ELAVL2: variants seen among roughly 807,000 people sequenced by gnomAD.
The protein encoded by ELAVL2 is ELAV like RNA binding protein 2, also known as ELAV-like protein 2.
In ELAVL2, 4 loss-of-function variants were observed where a neutral mutation model predicts 34.6. That is an observed-to-expected ratio of 0.12 (90% CI 0.06 to 0.26). The LOEUF (loss-of-function observed/expected upper bound fraction) is 0.26. ELAVL2 is among the 10% of genes least tolerant of loss of function. The probability of loss-of-function intolerance (pLI) is 1.00; values close to 1 mark genes in which losing one functional copy is unlikely to be tolerated. For missense variants in ELAVL2, 432 were observed against 442.8 expected, an observed-to-expected ratio of 0.98 and a Z score of 0.22; for synonymous variants, 193 against 154.8, an observed-to-expected ratio of 1.25 and a Z score of -1.83.
chr9:23,805,795 G>A (rs908322015), intron 1 of ELAVL2, among the ~76,000 whole-genome samples: 4 of 152,190 alleles, frequency 2.6e-5, no homozygotes, highest in Non-Finnish European at 5.9e-5. Context: ...GGTCATCCAT[G>A]GAGACCCCTC....
At chr9:23,807,052 T>C (rs1222974458) in intron 1 of ELAVL2, among the ~76,000 whole-genome samples, 1 of 152,160 alleles carries the variant, frequency 6.6e-6, no homozygotes, top group Non-Finnish European at 1.5e-5. Context: ...TATATCCATG[T>C]TAAATCAAAC....
intron 1 of ELAVL2, among the ~76,000 whole-genome samples, chr9:23,777,754 C>T (rs1366132159): frequency 6.6e-6 from 1 of 152,180 alleles, no homozygotes; most frequent in Non-Finnish European, 1.5e-5. Context: ...AACTGCTCTG[C>T]ATCGCTGGCT....
chr9:23,828,780 C>A (rs1340455798), upstream of ELAVL2, among the ~76,000 whole-genome samples: 1 of 152,122 alleles, frequency 6.6e-6, no homozygotes, highest in Non-Finnish European at 1.5e-5. Flanking sequence ...GATGTTTTTA[C>A]ATTTTAAAAC....
chr9:23,713,055 C>A lies in ELAVL2; in HGVS notation c.334-7984G>T, dbSNP rs115770706. Among the ~76,000 whole-genome samples, 1,167 of 152,262 alleles carry A rather than the reference C, an allele frequency of 7.7e-3. 17 individuals carry two copies. Among genetic ancestry groups the A allele is most frequent in the African/African-American group, 0.027 (1,119 of 41,556 alleles). On this transcript the variant is annotated intron_variant, in intron 3 of 6. Coordinates refer to ENST00000397312, the MANE Select transcript of ELAVL2 (RefSeq NM_004432.5). ...TTAAATGCTACCCAAACAGTTGCAT[C>A]CATGTGTATCAAAGAGGGTCTAAAT...
At chr9:23,705,188 A>T in intron 3 of ELAVL2, 117 bp from the exon 4 acceptor site, 1 of 1,188,334 alleles carries the variant, frequency 8.4e-7, no homozygotes, top group African/African-American at 1.5e-5. Flanking sequence ...CTGAAGTTCA[A>T]GCAAGTCAGG....
rs187192737 is a variant in ELAVL2, at chr9:23,812,955, C to T, written c.-16+12851G>A. On this transcript the variant is annotated intron_variant, in intron 1 of 6. Transcript: ENST00000397312. ...TCCATCCTAAGAAGCTACATTAATG[C>T]TGGGTTGATACAACAGATCTTCATA... 5.3e-5 allele frequency among the ~76,000 whole-genome samples: 8 copies of T among 152,172 alleles called. No individual in the cohort carries two copies. The East Asian group carries it at 1.5e-3, about 29-fold the overall frequency.
In ELAVL2 at chr9:23,704,977, T is replaced by C. The variant is rs746936739; in HGVS notation, c.428A>G (p.Gln143Arg). 6.2e-7 allele frequency: 1 copy of C among 1,614,168 alleles called. No individual in the cohort carries two copies. The highest frequency in any genetic ancestry group is 1.6e-4 in the Middle Eastern group (1 of 6,062). ...AATGCGTCCATATTGTGAAAAAAGC[T>C]GTTCCAACTCCTTCTGGGTCATTGT... ...PKTMTQKELE[Q>R]LFSQYGRIIT... Residue 143 changes from glutamine (Q) to arginine (R), a missense_variant, in exon 4 of 7, where the codon CAG becomes CGG. Gln to Arg is a conservative substitution (Grantham distance 43). Transcript: ENST00000397312.
At chr9:23,799,103 G>C (rs901927233) in intron 1 of ELAVL2, among the ~76,000 whole-genome samples, 1 of 152,116 alleles carries the variant, frequency 6.6e-6, no homozygotes. Context: ...AATTAAGACA[G>C]ACATAATATG....
At chr9:23,793,041 G>A (rs903052420) in intron 1 of ELAVL2, among the ~76,000 whole-genome samples, 1 of 152,086 alleles carries the variant, frequency 6.6e-6, no homozygotes, top group East Asian at 1.9e-4. Context: ...GCCTCCCAAA[G>A]TGCTGGGATT....
intron 3 of ELAVL2, among the ~76,000 whole-genome samples, chr9:23,713,405 AGTCTAAGCAGGAACTT>A (rs1259294459): frequency 1.3e-5 from 2 of 152,192 alleles, no homozygotes; most frequent in African/African-American, 2.4e-5. Flanking sequence ...AGCCATTCCA[AGTCTAAGCAGGAACTT>A]GTCAATCAAA....
chr9:23,700,878 T>C (rs1453793698), intron 5 of ELAVL2, among the ~76,000 whole-genome samples: 4 of 138,534 alleles, frequency 2.9e-5, no homozygotes, highest in African/African-American at 1.1e-4. Flanking sequence ...TAAAATCCTT[T>C]AAGAAAAAAA....
At chr9:23,834,833 A>G in the ELAVL2 span, among the ~76,000 whole-genome samples, 2 of 152,086 alleles carry the variant, frequency 1.3e-5, no homozygotes, top group Non-Finnish European at 2.9e-5. Context: ...ACCCATAAAA[A>G]GTTGTGGGTC....
At chr9:23,817,947 T>G (rs1365909190) in intron 1 of ELAVL2, among the ~76,000 whole-genome samples, 1 of 152,222 alleles carries the variant, frequency 6.6e-6, no homozygotes, top group Admixed American at 6.5e-5. Context: ...CTGTTTCCAC[T>G]TGGCAAATTT....
intron 3 of ELAVL2, among the ~76,000 whole-genome samples, chr9:23,713,339 T>C (rs1564018664): frequency 6.6e-6 from 1 of 152,200 alleles, no homozygotes; most frequent in Non-Finnish European, 1.5e-5. Context: ...GTAGTGGATA[T>C]GGCATCTGAG....
At chr9:23,758,800 C>G (rs1186716176) in intron 2 of ELAVL2, among the ~76,000 whole-genome samples, 4 of 152,086 alleles carry the variant, frequency 2.6e-5, no homozygotes, top group East Asian at 3.9e-4. Flanking sequence ...TTTCATAGTT[C>G]TTAATACAGT....
At chr9:23,789,589 T>C (rs1197298807) in intron 1 of ELAVL2, among the ~76,000 whole-genome samples, 1 of 152,174 alleles carries the variant, frequency 6.6e-6, no homozygotes, top group Admixed American at 6.5e-5. Flanking sequence ...CTATTCAACT[T>C]TCATTTTCAC....
At chr9:23,767,367 G>A (rs151305593) in intron 1 of ELAVL2, among the ~76,000 whole-genome samples, 51 of 152,290 alleles carry the variant, frequency 3.3e-4, no homozygotes, top group Non-Finnish European at 6.8e-4. Context: ...TCACATGAGA[G>A]AAAAGCAGTC....
chr9:23,770,871 A>C (rs551337919), intron 1 of ELAVL2, among the ~76,000 whole-genome samples: 107 of 152,336 alleles, frequency 7.0e-4, no homozygotes, highest in African/African-American at 2.5e-3. Flanking sequence ...ATCTAGAAGA[A>C]AAGATTCTAG....
intron 2 of ELAVL2, among the ~76,000 whole-genome samples, chr9:23,757,080 A>G (rs2053738957): frequency 6.6e-6 from 1 of 152,078 alleles, no homozygotes; most frequent in Admixed American, 6.6e-5. Context: ...GAGGATGTAG[A>G]GCCAAATTTG....
Sources: allele counts gnomAD v4.1 joint callset (sites outside exome capture counted in the v4.1 genomes callset), GRCh38; gene constraint gnomAD v4.1.1; transcripts MANE v1.5; gene names NCBI Gene and HGNC (gene_info 2026-07-23, HGNC 2026-07-21).